Variants in NR6A1 observed in about 807,000 individuals in gnomAD.
NR6A1 encodes the protein retinoic acid receptor-related testis-associated receptor.
NR6A1 carries 7 observed loss-of-function variants against 59.1 expected under a neutral mutation model. The ratio of observed to expected loss-of-function variants is 0.12; its 90% CI spans 0.07 to 0.22. The LOEUF (loss-of-function observed/expected upper bound fraction) is 0.22, where lower values mean the gene tolerates loss of function less well. Among genes scored for constraint, NR6A1 ranks in the 10% least tolerant of loss-of-function variants. The probability of loss-of-function intolerance (pLI) is 1.00; values close to 1 mark genes in which losing one functional copy is unlikely to be tolerated. For missense variants in NR6A1, 468 were observed against 611.6 expected, an observed-to-expected ratio of 0.77 and a Z score of 2.48; for synonymous variants, 243 against 236.1, an observed-to-expected ratio of 1.03 and a Z score of -0.27.
At chr9:124,581,460 T>C (rs938380502) in intron 2 of NR6A1, among the ~76,000 whole-genome samples, 2 of 151,854 alleles carry the variant, frequency 1.3e-5, no homozygotes, top group African/African-American at 4.8e-5. Flanking sequence ...GGCATGGTGG[T>C]GCATGCCTGT....
At chr9:124,724,959 TC>T (rs1295702277) in intron 2 of NR6A1, among the ~76,000 whole-genome samples, 1 of 152,218 alleles carries the variant, frequency 6.6e-6, no homozygotes, top group Non-Finnish European at 1.5e-5. Context: ...CCTTTACTGT[TC>T]CTGTTTTATA....
At chr9:124,678,907 T>C (rs992718683) in intron 2 of NR6A1, among the ~76,000 whole-genome samples, 4 of 152,178 alleles carry the variant, frequency 2.6e-5, no homozygotes, top group African/African-American at 7.2e-5. Flanking sequence ...AAAAAAGTTA[T>C]GCTGAGGGCA....
At position 124,771,251 on chromosome 9, in the gene NR6A1, G is replaced by A; in HGVS notation, c.-132C>T. 4.5e-6 allele frequency: 2 copies of A among 442,508 alleles called. No individual in the cohort carries two copies. The highest frequency in any genetic ancestry group is 3.7e-6 in the Non-Finnish European group (1 of 267,530). 27.4% of individuals were successfully genotyped at this position (442,508 alleles called of 1,614,324 possible). On this transcript the variant is annotated 5_prime_UTR_variant, in exon 1 of 10. Coordinates refer to ENST00000487099, the MANE Select transcript of NR6A1 (RefSeq NM_033334.4). Reference sequence around the variant, plus strand: ...AGCTCCCGGCCGCGGCTCTCTCTGGGCCCCGAGCCGCCCGGCTCCGCGCCG... The same window carrying A: ...AGCTCCCGGCCGCGGCTCTCTCTGGACCCCGAGCCGCCCGGCTCCGCGCCG...
intron 2 of NR6A1, among the ~76,000 whole-genome samples, chr9:124,605,264 G>A (rs150977593): frequency 2.0e-5 from 3 of 152,166 alleles, no homozygotes; most frequent in Non-Finnish European, 4.4e-5. Context: ...AACCACCAAC[G>A]TCTCAACTTA....
chr9:124,562,018 T>C (rs1834097863), intron 2 of NR6A1, among the ~76,000 whole-genome samples: 1 of 152,150 alleles, frequency 6.6e-6, no homozygotes, highest in Non-Finnish European at 1.5e-5. Flanking sequence ...AGGAAGTGAA[T>C]TCTGAAGCAC....
intron 2 of NR6A1, among the ~76,000 whole-genome samples, chr9:124,607,744 T>A (rs1303776539): frequency 6.6e-6 from 1 of 152,150 alleles, no homozygotes; most frequent in Non-Finnish European, 1.5e-5. Flanking sequence ...AGAATAATGT[T>A]TTTCATGAAA....
chr9:124,730,281 G>A (rs543916223), intron 2 of NR6A1, among the ~76,000 whole-genome samples: 2 of 152,142 alleles, frequency 1.3e-5, no homozygotes, highest in African/African-American at 4.8e-5. Context: ...ACCTAGGCTG[G>A]AATGCAGTGG....
chr9:124,593,989 A>G (rs538274304), intron 2 of NR6A1, among the ~76,000 whole-genome samples: 1 of 152,244 alleles, frequency 6.6e-6, no homozygotes, highest in Non-Finnish European at 1.5e-5. Context: ...GAATAGAGTT[A>G]ACCCTCTGTG....
chr9:124,738,029 G>A (rs1840063635), intron 1 of NR6A1, among the ~76,000 whole-genome samples: 1 of 152,268 alleles, frequency 6.6e-6, no homozygotes, highest in African/African-American at 2.4e-5. Flanking sequence ...ACTGAGGTGG[G>A]CAGATCACGA....
At chr9:124,583,675 C>T (rs190264593) in intron 2 of NR6A1, among the ~76,000 whole-genome samples, 1 of 152,312 alleles carries the variant, frequency 6.6e-6, no homozygotes, top group Admixed American at 6.5e-5. Flanking sequence ...TCACGGCATA[C>T]TCGGTCAGGT....
At chr9:124,571,479 C>T (rs1191190478) in intron 2 of NR6A1, among the ~76,000 whole-genome samples, 1 of 152,222 alleles carries the variant, frequency 6.6e-6, no homozygotes, top group East Asian at 1.9e-4. Flanking sequence ...ACTGCCCTGC[C>T]TGTGGGGCAC....
intron 2 of NR6A1, among the ~76,000 whole-genome samples, chr9:124,696,689 A>C (rs1838776393): frequency 3.3e-5 from 5 of 151,700 alleles, no homozygotes. Context: ...CGCCTGGCTA[A>C]TTTTTGTATT....
At chr9:124,645,543 A>G (rs965289118) in intron 2 of NR6A1, among the ~76,000 whole-genome samples, 1 of 152,226 alleles carries the variant, frequency 6.6e-6, no homozygotes, top group Admixed American at 6.5e-5. Flanking sequence ...AGTTATCAGG[A>G]GAAAGAGGGG....
intron 2 of NR6A1, among the ~76,000 whole-genome samples, chr9:124,640,249 T>G (rs532184305): frequency 6.6e-6 from 1 of 152,364 alleles, no homozygotes; most frequent in African/African-American, 2.4e-5. Flanking sequence ...GCTCTTCAGA[T>G]TCTGCTACCT....
intron 9 of NR6A1, among the ~76,000 whole-genome samples, chr9:124,524,055 C>T (rs1253741910): frequency 6.6e-6 from 1 of 152,182 alleles, no homozygotes; most frequent in African/African-American, 2.4e-5. Flanking sequence ...AACATACATA[C>T]ATACACACAC....
At chr9:124,635,021 C>T (rs997702066) in intron 2 of NR6A1, among the ~76,000 whole-genome samples, 14 of 152,130 alleles carry the variant, frequency 9.2e-5, no homozygotes, top group Admixed American at 5.2e-4. Flanking sequence ...AAGTCCGTAA[C>T]TTACAATAGG....
At position 124,672,828 on chromosome 9, in the gene NR6A1, G is replaced by A. The variant is rs546985475; in HGVS notation, c.142+60480C>T. 1.3e-4 allele frequency among the ~76,000 whole-genome samples: 20 copies of A among 152,046 alleles called. No individual in the cohort carries two copies. In the South Asian group the frequency reaches 3.7e-3, roughly 28 times the overall value. ...TATCTAGTGATGCTGAGTACCTTGG[G>A]CTAGATTCTGATAGATATTTGAGGG... On this transcript the variant is annotated intron_variant, in intron 2 of 9. Transcript: ENST00000487099.
intron 2 of NR6A1, among the ~76,000 whole-genome samples, chr9:124,694,137 A>G (rs1367496592): frequency 1.3e-5 from 2 of 152,174 alleles, no homozygotes; most frequent in African/African-American, 4.8e-5. Flanking sequence ...AATCCCTTCA[A>G]TCATCATCTG....
chr9:124,712,249 T>C (rs1839299639), intron 2 of NR6A1, among the ~76,000 whole-genome samples: 1 of 151,840 alleles, frequency 6.6e-6, no homozygotes, highest in African/African-American at 2.4e-5. Flanking sequence ...ACACGAAAAA[T>C]TAAACTAATG....
Sources: gnomAD v4.1 joint callset for allele counts (sites outside exome capture counted in the v4.1 genomes callset) on GRCh38, gnomAD v4.1.1 for gene constraint, MANE v1.5 for transcripts, NCBI Gene and HGNC (gene_info 2026-07-23, HGNC 2026-07-21) for gene names.